Variants in CASK observed in about 807,000 individuals in gnomAD.
CASK encodes the protein calcium/calmodulin dependent serine protein kinase, also known as peripheral plasma membrane protein CASK.
A neutral mutation model predicts 82.9 loss-of-function variants in CASK; 4 were observed. That is an observed-to-expected ratio of 0.05 (90% confidence interval 0.02 to 0.11). CASK has a LOEUF of 0.11. Among genes scored for constraint, CASK ranks in the 10% least tolerant of loss-of-function variants. The pLI is 1.00. For synonymous variants in CASK, 259 were observed against 253.5 expected (o/e 1.02, Z -0.20); for missense variants, 358 against 720.9 (o/e 0.50, Z 5.76).
chrX:41,915,341 G>A (rs1394004014), intron 1 of CASK, among the ~76,000 whole-genome samples: 1 of 112,453 alleles, frequency 8.9e-6, no homozygotes, highest in African/African-American at 3.2e-5. Flanking sequence ...CAGCTAAAGA[G>A]GAGATAGAGA....
intron 11 of CASK, among the ~76,000 whole-genome samples, chrX:41,613,038 C>A (rs2066123841): frequency 9.2e-6 from 1 of 108,814 alleles, no homozygotes; most frequent in African/African-American, 3.3e-5. Context: ...TGGCCAGCTG[C>A]CCCGTCTGGG....
chrX:41,882,789 G>C (rs1057312258), intron 1 of CASK, among the ~76,000 whole-genome samples: 7 of 111,050 alleles, frequency 6.3e-5, no homozygotes, highest in Non-Finnish European at 1.9e-5. Context: ...ATTTTTTCTT[G>C]ACCATTTACC....
chrX:41,710,081 TTGTGTGTGTGTGTG>T (rs57963407), intron 5 of CASK, among the ~76,000 whole-genome samples: 72 of 72,175 alleles, frequency 1.0e-3, no homozygotes, highest in Middle Eastern at 0.017. Flanking sequence ...GGTATAGATT[TTGTGTGTGTGTGTG>T]TGTGTGTGTG....
intron 2 of CASK, among the ~76,000 whole-genome samples, chrX:41,818,065 C>T (rs959419209): frequency 1.8e-5 from 2 of 108,588 alleles, no homozygotes; most frequent in East Asian, 2.9e-4. Flanking sequence ...TCAATATGCA[C>T]GTTTCATTTA....
chrX:41,876,942 T>C (rs186814289), intron 1 of CASK, among the ~76,000 whole-genome samples: 67 of 111,833 alleles, frequency 6.0e-4, no homozygotes, highest in African/African-American at 2.0e-3. Context: ...CACACTCTCA[T>C]ATATTTGGCA....
At chrX:41,600,033 G>A (rs975407902) in intron 12 of CASK, among the ~76,000 whole-genome samples, 1 of 110,874 alleles carries the variant, frequency 9.0e-6, no homozygotes, top group African/African-American at 3.3e-5. Context: ...TCCTAGCTTG[G>A]CTCTTCTTAA....
intron 2 of CASK, among the ~76,000 whole-genome samples, chrX:41,833,355 C>T (rs2070863308): frequency 8.9e-6 from 1 of 111,782 alleles, no homozygotes; most frequent in Non-Finnish European, 1.9e-5. Context: ...ATGGATGAAC[C>T]TTGAAAATAT....
intron 2 of CASK, among the ~76,000 whole-genome samples, chrX:41,809,568 C>T (rs1248130515): frequency 8.9e-6 from 1 of 111,845 alleles, no homozygotes; most frequent in African/African-American, 3.3e-5. Context: ...GAAAGGACAT[C>T]CACACCAAAA....
intron 1 of CASK, among the ~76,000 whole-genome samples, chrX:41,872,462 AAC>A (rs780941783): frequency 1.2e-3 from 140 of 112,060 alleles, no homozygotes; most frequent in African/African-American, 4.3e-3. Flanking sequence ...GCTTTTATTA[AAC>A]AGTTATCTTA....
intron 3 of CASK, among the ~76,000 whole-genome samples, chrX:41,774,670 C>G (rs1368598114): frequency 9.0e-6 from 1 of 110,995 alleles, no homozygotes; most frequent in Non-Finnish European, 1.9e-5. Context: ...CAGCATGGTA[C>G]TGGTACCAAA....
chrX:41,523,880 G>A lies in CASK; in HGVS notation c.2604+71C>T, dbSNP rs139933620. ...CCTTGCTGCAAATGTAGACTGACAC[G>A]CTTCTGACTGTGCTGGGGAGTAAGG... On this transcript the variant is annotated intron_variant, in intron 26 of 26. Coordinates refer to ENST00000378163, the MANE Select transcript of CASK (RefSeq NM_001367721.1). 832 of 771,636 alleles carry A rather than the reference G, an allele frequency of 1.1e-3. 7 individuals are homozygous for A. In the African/African-American group the frequency reaches 0.015, roughly 14 times the overall value. 63.6% of individuals were successfully genotyped at this position (771,636 alleles called of 1,213,427 possible). A position where few individuals can be genotyped will look rare whatever the true frequency, so the allele number is the denominator to read the frequency against.
intron 12 of CASK, among the ~76,000 whole-genome samples, chrX:41,592,654 T>C (rs1263144996): frequency 9.0e-6 from 1 of 111,515 alleles, no homozygotes; most frequent in Non-Finnish European, 1.9e-5. Context: ...ATCTGTGCTT[T>C]AATAAACTCC....
intron 5 of CASK, among the ~76,000 whole-genome samples, chrX:41,684,910 CTG>C (rs2067417318): frequency 8.9e-6 from 1 of 111,809 alleles, no homozygotes; most frequent in African/African-American, 3.2e-5. Flanking sequence ...ATTTTGATAA[CTG>C]TACTGCAGCT....
At chrX:41,643,446 C>T (rs1268416011) in intron 8 of CASK, among the ~76,000 whole-genome samples, 1 of 111,695 alleles carries the variant, frequency 9.0e-6, no homozygotes, top group Non-Finnish European at 1.9e-5. Context: ...TCATTTATTT[C>T]ATTGAGCAGT....
chrX:41,810,759 A>C (rs754922566), intron 2 of CASK, among the ~76,000 whole-genome samples: 1 of 112,138 alleles, frequency 8.9e-6, no homozygotes, highest in Non-Finnish European at 1.9e-5. Context: ...AAATGGGCTA[A>C]ACGCTCCAAT....
At chrX:41,558,359 A>G (rs892148412) in intron 18 of CASK, 11 of 109,851 alleles carry the variant, frequency 1.0e-4, no homozygotes, top group Middle Eastern at 9.5e-3. Flanking sequence ...ATTTACATCT[A>G]TGATACTGGT....
In CASK at chrX:41,515,377, T is replaced by G. The variant is rs1379409817; in HGVS notation, c.*5043A>C. 1 of 112,375 alleles carries G rather than the reference T, an allele frequency of 8.9e-6. No homozygotes were observed. Among genetic ancestry groups the G allele is most frequent in the Non-Finnish European group, 1.9e-5 (1 of 53,253 alleles). The allele number at this position is 112,375 out of a possible 1,213,427, so 9.3% of individuals were successfully genotyped here. A position where few individuals can be genotyped will look rare whatever the true frequency, so the allele number is the denominator to read the frequency against. ...ATACGGTGAAATATACAACAACCAT[T>G]AACATCTCTCTCTTTTTATCACTGA... On this transcript the variant is annotated 3_prime_UTR_variant, in exon 27 of 27. Transcript: ENST00000378163.
At chrX:41,574,156 G>A (rs767217126) in intron 15 of CASK, among the ~76,000 whole-genome samples, 29 of 111,101 alleles carry the variant, frequency 2.6e-4, no homozygotes, top group African/African-American at 8.8e-4. Flanking sequence ...GGTTCTGTCT[G>A]TGTGCAGCTC....
chrX:41,865,157 C>T (rs1344970820), intron 1 of CASK, among the ~76,000 whole-genome samples: 1 of 111,554 alleles, frequency 9.0e-6, no homozygotes, highest in East Asian at 2.8e-4. Context: ...TAACGAGTTT[C>T]CCATGGATGG....
Sources: gnomAD v4.1 joint callset for allele counts (sites outside exome capture counted in the v4.1 genomes callset) on GRCh38, gnomAD v4.1.1 for gene constraint, MANE v1.5 for transcripts, NCBI Gene and HGNC (gene_info 2026-07-23, HGNC 2026-07-21) for gene names.